DLG2: variants seen among roughly 807,000 people sequenced by gnomAD.
DLG2 encodes discs large MAGUK scaffold protein 2.
DLG2 carries 45 observed loss-of-function variants against 132.5 expected under a neutral mutation model. That is an observed-to-expected ratio of 0.34 (90% CI 0.27 to 0.44). The LOEUF is 0.44. Ranked by LOEUF, DLG2 falls within the 20% of genes least tolerant of loss-of-function variation. The pLI, the probability that DLG2 is intolerant of heterozygous loss-of-function variation, is 1.00. For missense variants in DLG2, 1,045 were observed against 1,196.9 expected (o/e 0.87, Z 1.87); for synonymous variants, 424 against 419.6 (o/e 1.01, Z -0.13).
At chr11:85,577,085 G>T (rs1176703718) in intron 3 of DLG2, among the ~76,000 whole-genome samples, 2 of 152,140 alleles carry the variant, frequency 1.3e-5, no homozygotes, top group Non-Finnish European at 2.9e-5. Flanking sequence ...ATTATGTAAG[G>T]CCTTAGAGTA....
intron 3 of DLG2, among the ~76,000 whole-genome samples, chr11:85,311,099 C>A (rs1027582817): frequency 6.6e-6 from 1 of 152,122 alleles, no homozygotes; most frequent in Admixed American, 6.6e-5. Flanking sequence ...ATAATACAAA[C>A]AAACGTAAGC....
chr11:84,276,670 A>G (rs1016724408), intron 7 of DLG2, among the ~76,000 whole-genome samples: 4 of 152,192 alleles, frequency 2.6e-5, no homozygotes, highest in African/African-American at 9.7e-5. Flanking sequence ...CGCAGTCACT[A>G]GGCTACATGT....
chr11:84,341,582 C>A (rs1600222482), intron 7 of DLG2, among the ~76,000 whole-genome samples: 1 of 152,178 alleles, frequency 6.6e-6, no homozygotes, highest in Non-Finnish European at 1.5e-5. Context: ...TGAAAATTCC[C>A]CACTATGTCC....
At chr11:85,183,983 C>G (rs2079913197) in intron 4 of DLG2, among the ~76,000 whole-genome samples, 1 of 151,908 alleles carries the variant, frequency 6.6e-6, no homozygotes, top group Non-Finnish European at 1.5e-5. Context: ...AATTATTTTC[C>G]TTTCTGTTTT....
At chr11:85,492,075 G>T (rs558618050) in intron 3 of DLG2, among the ~76,000 whole-genome samples, 2 of 152,026 alleles carry the variant, frequency 1.3e-5, no homozygotes, top group East Asian at 3.9e-4. Context: ...AGTTAACAAT[G>T]TAATATATTC....
chr11:84,185,767 A>G (rs1392360108), intron 8 of DLG2, among the ~76,000 whole-genome samples: 1 of 152,152 alleles, frequency 6.6e-6, no homozygotes, highest in Non-Finnish European at 1.5e-5. Context: ...ATTTATTGAG[A>G]GTTTTTAGCA....
Position 83,459,536 on chromosome 11 carries a change from T to G in DLG2, c.*282A>C. On this transcript the variant is annotated 3_prime_UTR_variant, in exon 28 of 28. Transcript: ENST00000376104. The stretch of plus-strand genomic sequence containing the variant: ...ATCTGCTGGGGTGAGGAGGCTCTCA[T>G]CTCATCTCTTGGGCAGAAAGCCCGT... The G allele has an allele frequency of 3.8e-6, 1 of 260,704 alleles. No homozygotes were observed. Among genetic ancestry groups the G allele is most frequent in the Non-Finnish European group, 7.4e-6 (1 of 135,426 alleles). The allele number at this position is 260,704 out of a possible 1,614,324, so 16.1% of individuals were successfully genotyped here. A position where few individuals can be genotyped will look rare whatever the true frequency, so the allele number is the denominator to read the frequency against.
intron 3 of DLG2, among the ~76,000 whole-genome samples, chr11:85,484,180 G>A (rs998560717): frequency 4.3e-5 from 6 of 138,770 alleles, no homozygotes; most frequent in East Asian, 2.1e-4. Flanking sequence ...GATTCAACCC[G>A]GTGGCGGATC....
At chr11:84,709,518 G>A (rs919678914) in intron 6 of DLG2, among the ~76,000 whole-genome samples, 1 of 151,848 alleles carries the variant, frequency 6.6e-6, no homozygotes, top group Admixed American at 6.6e-5. Context: ...ATGTCATATA[G>A]ATGAAGAAAC....
intron 15 of DLG2, among the ~76,000 whole-genome samples, chr11:83,906,243 TCTCTCTCTCTCTCTCACACACACACACA>T (rs1353471642): frequency 1.9e-4 from 18 of 96,308 alleles, no homozygotes; most frequent in Middle Eastern, 6.3e-3. Context: ...TCTCTCTCTC[TCTCTCTCTCTCTCTCACACACACACACA>T]CACACACACA....
chr11:83,500,233 T>C (rs967198793), intron 21 of DLG2, among the ~76,000 whole-genome samples: 3 of 152,108 alleles, frequency 2.0e-5, no homozygotes, highest in African/African-American at 7.2e-5. Context: ...GTGTTCAGTA[T>C]ATATTTGGTG....
intron 3 of DLG2, among the ~76,000 whole-genome samples, chr11:85,407,202 T>C (rs2088835978): frequency 6.6e-6 from 1 of 151,796 alleles, no homozygotes; most frequent in South Asian, 2.1e-4. Flanking sequence ...GAACTCTAGT[T>C]TAACTTAAAT....
At chr11:84,864,819 G>A (rs1600199322) in intron 6 of DLG2, among the ~76,000 whole-genome samples, 1 of 152,142 alleles carries the variant, frequency 6.6e-6, no homozygotes, top group African/African-American at 2.4e-5. Context: ...CAATATTTCG[G>A]GCAGCCCATG....
At chr11:84,445,910 C>G (rs1054988428) in intron 7 of DLG2, among the ~76,000 whole-genome samples, 1 of 113,928 alleles carries the variant, frequency 8.8e-6, no homozygotes, top group South Asian at 3.4e-4. Context: ...AGTGAGACTT[C>G]GCCTCAAAAA....
intron 4 of DLG2, among the ~76,000 whole-genome samples, chr11:85,201,586 T>C (rs1295173324): frequency 6.6e-6 from 1 of 152,266 alleles, no homozygotes; most frequent in African/African-American, 2.4e-5. Context: ...TGGGACACAA[T>C]AGTCAGTCTT....
chr11:84,534,532 G>A (rs1366861999), intron 7 of DLG2, 38 bp downstream of exon 7: 1 of 1,600,104 alleles, frequency 6.2e-7, no homozygotes, highest in East Asian at 2.2e-5. Context: ...ACCAACTACT[G>A]TCACCAACTA....
intron 19 of DLG2, among the ~76,000 whole-genome samples, chr11:83,557,926 G>A (rs1194685181): frequency 2.0e-5 from 3 of 152,108 alleles, no homozygotes; most frequent in East Asian, 3.9e-4. Context: ...TGGCAGGAAG[G>A]AATATCCACA....
chr11:85,421,437 G>C (rs1353268265), intron 3 of DLG2, among the ~76,000 whole-genome samples: 1 of 149,640 alleles, frequency 6.7e-6, no homozygotes, highest in African/African-American at 2.5e-5. Flanking sequence ...TTTTTTAACT[G>C]CTGTTGCTTT....
rs1011622528 is a variant in DLG2, at chr11:84,515,541, A to C, written c.519+19029T>G. ...TTCAATTCAGCAAGAACATACAACA[A>C]TTATAAATACATATTCATCTGACAT... On this transcript the variant is annotated intron_variant, in intron 7 of 27. Transcript: ENST00000376104. 1.8e-4 allele frequency among the ~76,000 whole-genome samples: 27 copies of C among 151,920 alleles called. 1 individual carries two copies. The highest frequency in any genetic ancestry group is 3.5e-4 in the Non-Finnish European group (24 of 67,868).
Sources: gnomAD v4.1 joint callset for allele counts (sites outside exome capture counted in the v4.1 genomes callset) on GRCh38, gnomAD v4.1.1 for gene constraint, MANE v1.5 for transcripts, NCBI Gene and HGNC (gene_info 2026-07-23, HGNC 2026-07-21) for gene names.